Variants in AFAP1L1 observed in about 807,000 individuals in gnomAD.
AFAP1L1 encodes the protein actin filament associated protein 1 like 1.
A neutral mutation model predicts 99.8 loss-of-function variants in AFAP1L1; 77 were observed. The observed-to-expected ratio is 0.77, with a 90% CI of 0.64 to 0.93. The LOEUF (loss-of-function observed/expected upper bound fraction) is 0.93. AFAP1L1 is among the 40% of genes least tolerant of loss of function. AFAP1L1 has a pLI of 0.00. For synonymous variants in AFAP1L1, 373 were observed against 395.3 expected (o/e 0.94, Z 0.67); for missense variants, 893 against 996.8 (o/e 0.90, Z 1.40).
chr5:149,291,575 A>C (rs1755863370), intron 1 of AFAP1L1, among the ~76,000 whole-genome samples: 1 of 143,220 alleles, frequency 7.0e-6, no homozygotes, highest in Admixed American at 7.0e-5. Flanking sequence ...AAAAGCCTGC[A>C]GGGTTTGAAA....
chr5:149,279,117 GA>G (rs1195248672), intron 1 of AFAP1L1, among the ~76,000 whole-genome samples: 1 of 152,200 alleles, frequency 6.6e-6, no homozygotes, highest in African/African-American at 2.4e-5. Context: ...AGAAGTTATT[GA>G]AGGAAATGGG....
intron 1 of AFAP1L1, among the ~76,000 whole-genome samples, chr5:149,283,619 A>G (rs766656951): frequency 6.6e-6 from 1 of 152,190 alleles, no homozygotes; most frequent in Non-Finnish European, 1.5e-5. Flanking sequence ...AATCAGTGGC[A>G]TCTTAGAATG....
intron 18 of AFAP1L1, 146 bp from the exon 19 acceptor site, chr5:149,339,861 G>A (rs1561689988): frequency 6.0e-6 from 4 of 662,948 alleles, no homozygotes; most frequent in Non-Finnish European, 1.0e-5. Context: ...ACTTACTCAG[G>A]GCCACAGAAA....
rs1459518542 is a variant in AFAP1L1 at position 149,343,221 on chromosome 5, G to A, written c.*3191G>A. ...GAAAATACTCCAGCTCTGTCCTCATGGAACTCAGAGACAAGCAGGAAAGAA... is the reference window on the plus strand; with the variant it reads ...GAAAATACTCCAGCTCTGTCCTCATAGAACTCAGAGACAAGCAGGAAAGAA... On this transcript the variant is annotated 3_prime_UTR_variant, in exon 19 of 19. Coordinates refer to ENST00000296721, the MANE Select transcript of AFAP1L1 (RefSeq NM_152406.4). Among the ~76,000 whole-genome samples, 1 of 152,026 alleles carries A rather than the reference G, an allele frequency of 6.6e-6. No homozygotes were observed. The highest frequency in any genetic ancestry group is 2.4e-5 in the African/African-American group (1 of 41,374).
At position 149,302,507 on chromosome 5, in the gene AFAP1L1, T is replaced by C; in HGVS notation, c.417T>C (p.Pro139=). 1 of 1,585,688 alleles carries C rather than the reference T, an allele frequency of 6.3e-7. No individual in the cohort carries two copies. Among genetic ancestry groups the C allele is most frequent in the Non-Finnish European group, 8.6e-7 (1 of 1,165,586 alleles). The change falls in exon 5 of 19, where the codon CCT becomes CCC. Residue 139 remains proline (P), a synonymous_variant. Transcript: ENST00000296721. The part of the protein sequence containing the change: ...EALPLGPGKS[P]EYISSHNGCS... ...TTCCTCTGGGACCCGGCAAGTCGCC[T>C]GAGTACATCAGCTCCCACAGTAAGT...
chr5:149,342,500 TA>T lies in AFAP1L1; in HGVS notation c.*2472del, dbSNP rs1255611526. Reference sequence around the variant, plus strand: ...CAACATTCAGAAGCACACTAGCACTTAATAAATAGACGAATGAATGCATGGA... The same window carrying T: ...CAACATTCAGAAGCACACTAGCACTTATAAATAGACGAATGAATGCATGGA... On this transcript the variant is annotated 3_prime_UTR_variant, in exon 19 of 19. Coordinates refer to ENST00000296721, the MANE Select transcript of AFAP1L1 (RefSeq NM_152406.4). 6.6e-6 allele frequency among the ~76,000 whole-genome samples: 1 copy of T among 152,230 alleles called. No homozygotes were observed. The highest frequency in any genetic ancestry group is 1.5e-5 in the Non-Finnish European group (1 of 68,038).
At chr5:149,296,167 G>A (rs190250795) in intron 1 of AFAP1L1, among the ~76,000 whole-genome samples, 114 of 152,152 alleles carry the variant, frequency 7.5e-4, no homozygotes, top group African/African-American at 2.4e-3. Context: ...CTGAGTAGCT[G>A]GGACTACAGG....
chr5:149,312,969 A>G lies in AFAP1L1; in HGVS notation c.1020+765A>G, dbSNP rs573026480. On this transcript the variant is annotated intron_variant, in intron 9 of 18. Transcript: ENST00000296721. ...TGGAGAAACCCCATCTCTATTGAAA[A>G]TACAAAAATTAGCCAGGCATGGTGG... Among the ~76,000 whole-genome samples the G allele has an allele frequency of 2.0e-5, 3 of 151,984 alleles. 1 individual carries two copies. The South Asian group carries it at 6.3e-4, about 32-fold the overall frequency.
At chr5:149,318,285 G>A (rs2127599342) in intron 12 of AFAP1L1, among the ~76,000 whole-genome samples, 2 of 152,238 alleles carry the variant, frequency 1.3e-5, no homozygotes, top group Middle Eastern at 6.8e-3. Context: ...CACTAAATCT[G>A]GCAGCCCCAG....
chr5:149,307,059 G>A (rs745631827), intron 6 of AFAP1L1, among the ~76,000 whole-genome samples: 15 of 151,876 alleles, frequency 9.9e-5, no homozygotes, highest in African/African-American at 2.9e-4. Flanking sequence ...CCAGCCTGGC[G>A]AACATGGTGA....
chr5:149,332,612 C>G, intron 16 of AFAP1L1, 83 bp from the exon 17 acceptor site: 1 of 1,459,846 alleles, frequency 6.9e-7, no homozygotes, highest in South Asian at 1.4e-5. Flanking sequence ...CTAGGAGGGG[C>G]AGACAAAGGC....
intron 1 of AFAP1L1, among the ~76,000 whole-genome samples, chr5:149,292,221 A>C (rs1383559301): frequency 2.6e-5 from 4 of 152,204 alleles, no homozygotes; most frequent in African/African-American, 9.6e-5. Flanking sequence ...GCTGATATTT[A>C]ATTACTCACT....
intron 18 of AFAP1L1, among the ~76,000 whole-genome samples, chr5:149,337,957 G>C (rs1757451721): frequency 6.6e-6 from 1 of 152,204 alleles, no homozygotes; most frequent in Non-Finnish European, 1.5e-5. Context: ...CTGATGGCCA[G>C]ATGGAGGCCA....
chr5:149,303,906 G>C (rs930746890), intron 5 of AFAP1L1, among the ~76,000 whole-genome samples: 10 of 152,134 alleles, frequency 6.6e-5, no homozygotes, highest in Non-Finnish European at 1.3e-4. Flanking sequence ...ATTTCAAGCT[G>C]TCCAGCAAGT....
At chr5:149,323,383 C>T (rs961692931) in intron 15 of AFAP1L1, among the ~76,000 whole-genome samples, 1 of 152,228 alleles carries the variant, frequency 6.6e-6, no homozygotes, top group East Asian at 1.9e-4. Context: ...TGACTAAGTA[C>T]ACCAGGCAAC....
In AFAP1L1 at chr5:149,335,672, A is replaced by G. The variant is rs1004991707; in HGVS notation, c.2233A>G (p.Ser745Gly). Reference protein sequence around the residue: ...VNCVSELRKRSPSIVASNQGR... With the variant: ...VNCVSELRKRGPSIVASNQGR... ...CTGTGTTTCTGAGCTGAGGAAGAGG[A>G]GCCCATCCATCGTAGCCTCCAACCA... Residue 745 changes from serine to glycine, a missense_variant, in exon 18 of 19, where the codon AGC becomes GGC. Physicochemically the swap from Ser to Gly is moderately conservative, Grantham distance 56. Coordinates refer to ENST00000296721, the MANE Select transcript of AFAP1L1 (RefSeq NM_152406.4). The G allele has an allele frequency of 1.9e-6, 3 of 1,613,674 alleles. No individual in the cohort carries two copies. Among genetic ancestry groups the G allele is most frequent in the African/African-American group, 2.7e-5 (2 of 74,904 alleles).
At chr5:149,290,106 G>A (rs949202203) in intron 1 of AFAP1L1, among the ~76,000 whole-genome samples, 4 of 152,152 alleles carry the variant, frequency 2.6e-5, no homozygotes, top group African/African-American at 7.2e-5. Context: ...GGTAGCGCAC[G>A]CCTGTAGTCC....
At chr5:149,304,723 C>T (rs1756345098) in intron 5 of AFAP1L1, among the ~76,000 whole-genome samples, 1 of 152,186 alleles carries the variant, frequency 6.6e-6, no homozygotes, top group South Asian at 2.1e-4. Flanking sequence ...CTACTTCACA[C>T]CTGACCCCCC....
chr5:149,294,759 C>T (rs1755966287), intron 1 of AFAP1L1, among the ~76,000 whole-genome samples: 2 of 152,114 alleles, frequency 1.3e-5, no homozygotes, highest in South Asian at 4.1e-4. Context: ...AGTCATGGCC[C>T]AGAGCACTCC....
Sources: allele counts gnomAD v4.1 joint callset (sites outside exome capture counted in the v4.1 genomes callset), GRCh38; gene constraint gnomAD v4.1.1; transcripts MANE v1.5; gene names NCBI Gene and HGNC (gene_info 2026-07-23, HGNC 2026-07-21).